Variants in MDGA2 observed in about 807,000 individuals in gnomAD.
The protein encoded by MDGA2 is MAM domain containing glycosylphosphatidylinositol anchor 2.
A neutral mutation model predicts 117.8 loss-of-function variants in MDGA2; 40 were observed. The ratio of observed to expected loss-of-function variants is 0.34; its 90% CI spans 0.26 to 0.44. The LOEUF is 0.44. Among genes scored for constraint, MDGA2 ranks in the 20% least tolerant of loss-of-function variants. The probability of loss-of-function intolerance (pLI) is 1.00; values close to 1 mark genes in which losing one functional copy is unlikely to be tolerated. For missense variants in MDGA2, 1,123 were observed against 1,250.6 expected, an observed-to-expected ratio of 0.90 and a Z score of 1.54; for synonymous variants, 452 against 439.0, an observed-to-expected ratio of 1.03 and a Z score of -0.37.
At chr14:47,367,485 T>G (rs1024330665) in intron 1 of MDGA2, among the ~76,000 whole-genome samples, 13 of 152,316 alleles carry the variant, frequency 8.5e-5, no homozygotes, top group Middle Eastern at 3.4e-3. Context: ...AAAGTAATAA[T>G]AAATTTGATG....
At chr14:46,989,792 C>T (rs1415716637) in intron 8 of MDGA2, among the ~76,000 whole-genome samples, 1 of 151,922 alleles carries the variant, frequency 6.6e-6, no homozygotes, top group Non-Finnish European at 1.5e-5. Flanking sequence ...CAGGGACCAC[C>T]AAGTGAATCA....
At chr14:47,597,248 T>A (rs1018146423) in intron 1 of MDGA2, among the ~76,000 whole-genome samples, 1 of 152,194 alleles carries the variant, frequency 6.6e-6, no homozygotes, top group African/African-American at 2.4e-5. Context: ...TATCACAGAT[T>A]TATCAAGATT....
chr14:46,908,907 A>T (rs1263398980), intron 10 of MDGA2, among the ~76,000 whole-genome samples: 1 of 152,190 alleles, frequency 6.6e-6, no homozygotes, highest in African/African-American at 2.4e-5. Context: ...AATTGTCCCA[A>T]AATAATGAAC....
intron 1 of MDGA2, among the ~76,000 whole-genome samples, chr14:47,593,670 T>C (rs1336940363): frequency 1.3e-5 from 2 of 151,990 alleles, no homozygotes; most frequent in African/African-American, 4.8e-5. Flanking sequence ...AAGTGTGAAC[T>C]GAACAATGAG....
intron 1 of MDGA2, among the ~76,000 whole-genome samples, chr14:47,394,486 G>A (rs1213606618): frequency 2.6e-5 from 4 of 152,246 alleles, no homozygotes; most frequent in South Asian, 2.1e-4. Context: ...TCATATAGGC[G>A]TGGCTATTTG....
intron 3 of MDGA2, among the ~76,000 whole-genome samples, chr14:47,168,117 C>T (rs1016505269): frequency 6.6e-6 from 1 of 151,910 alleles, no homozygotes; most frequent in Non-Finnish European, 1.5e-5. Context: ...AGGTCTACAT[C>T]TCTTTATTTG....
rs550309118 is a variant in MDGA2, at chr14:47,089,750, G to A, written c.1195+7104C>T. ...TGTCCTTTGTAGGGACATGGAGGAA[G>A]CAGGATGGTCTTAATCTCCTGATCT... On this transcript the variant is annotated intron_variant, in intron 6 of 16. Coordinates refer to ENST00000399232, the MANE Select transcript of MDGA2 (RefSeq NM_001113498.3). Among the ~76,000 whole-genome samples the A allele has an allele frequency of 5.3e-5, 8 of 152,048 alleles. No individual in the cohort carries two copies. The East Asian group carries it at 1.4e-3, about 26-fold the overall frequency.
chr14:47,246,098 T>C lies in MDGA2; in HGVS notation c.421-27903A>G, dbSNP rs146059934. 3.5e-3 allele frequency among the ~76,000 whole-genome samples: 525 copies of C among 152,030 alleles called. 7 individuals are homozygous for C. The highest frequency in any genetic ancestry group is 0.012 in the African/African-American group (495 of 41,534). On this transcript the variant is annotated intron_variant, in intron 2 of 16. Coordinates refer to ENST00000399232, the MANE Select transcript of MDGA2 (RefSeq NM_001113498.3). ...CTTCCTACACTATGCTGCCCTATGC[T>C]CTTCCCTCGGCAGCCCACTCCAAAC...
In MDGA2 at chr14:47,210,312, C is replaced by T. The variant is rs1885836024; in HGVS notation, c.595+7709G>A. On this transcript the variant is annotated intron_variant, in intron 3 of 16. Transcript: ENST00000399232. ...AATGGATATTGGAAAAGATTTGTCT[C>T]ATGTGTGAACAGTGTCTGTACACAT... is the stretch of plus-strand genomic sequence containing the variant. Among the ~76,000 whole-genome samples, 3 of 152,248 alleles carry T rather than the reference C, an allele frequency of 2.0e-5. No individual in the cohort carries two copies. In the South Asian group the frequency reaches 6.2e-4, roughly 32 times the overall value.
chr14:47,299,772 T>C (rs1183812028), intron 2 of MDGA2, among the ~76,000 whole-genome samples: 1 of 151,456 alleles, frequency 6.6e-6, no homozygotes, highest in Non-Finnish European at 1.5e-5. Flanking sequence ...TTTTGGAATC[T>C]TTTTTTTCTA....
chr14:47,343,004 G>C, intron 1 of MDGA2: 1 of 1,166,566 alleles, frequency 8.6e-7, no homozygotes, highest in Non-Finnish European at 1.1e-6. Context: ...TGCTACCTCA[G>C]GGGAGTCAGC....
At chr14:47,478,042 G>A (rs1342301268) in intron 1 of MDGA2, among the ~76,000 whole-genome samples, 2 of 152,282 alleles carry the variant, frequency 1.3e-5, no homozygotes, top group East Asian at 3.9e-4. Context: ...AGTGCTGCTG[G>A]AACATATTAT....
At chr14:47,418,823 T>C (rs1428977629) in intron 1 of MDGA2, among the ~76,000 whole-genome samples, 1 of 152,090 alleles carries the variant, frequency 6.6e-6, no homozygotes, top group Non-Finnish European at 1.5e-5. Flanking sequence ...AAGAAGAACA[T>C]TAGGTCAGAA....
rs558320310 is a variant in MDGA2, at chr14:47,199,056, T to C, written c.595+18965A>G. ...GTTTCCATCCTGCTGCTTTGTGAAG[T>C]TAGGATTCAAGACTGAAACATTAAT... On this transcript the variant is annotated intron_variant, in intron 3 of 16. Transcript: ENST00000399232. 1.1e-4 allele frequency among the ~76,000 whole-genome samples: 17 copies of C among 152,176 alleles called. No homozygotes were observed. In the South Asian group the frequency reaches 3.5e-3, roughly 32 times the overall value.
Position 47,162,300 on chromosome 14 carries a change from C to A in MDGA2, c.596-18026G>T, listed in dbSNP as rs144485207. Among the ~76,000 whole-genome samples, 25 of 152,072 alleles carry A rather than the reference C, an allele frequency of 1.6e-4. No individual in the cohort carries two copies. In the East Asian group the frequency reaches 2.5e-3, roughly 15 times the overall value. Reference sequence around the variant, plus strand: ...TATTTTTTTCCTTCAATCTTTTCTACAGTATATATCTTAGACTGTATAATA... The same window carrying A: ...TATTTTTTTCCTTCAATCTTTTCTAAAGTATATATCTTAGACTGTATAATA... On this transcript the variant is annotated intron_variant, in intron 3 of 16. Coordinates refer to ENST00000399232, the MANE Select transcript of MDGA2 (RefSeq NM_001113498.3).
intron 15 of MDGA2, among the ~76,000 whole-genome samples, chr14:46,849,997 T>C (rs571648834): frequency 1.3e-5 from 2 of 151,866 alleles, no homozygotes; most frequent in African/African-American, 4.8e-5. Flanking sequence ...TCCCGCACAA[T>C]AGCACTATTA....
intron 5 of MDGA2, among the ~76,000 whole-genome samples, chr14:47,100,737 A>G (rs1485632134): frequency 6.6e-6 from 1 of 152,206 alleles, no homozygotes; most frequent in African/African-American, 2.4e-5. Flanking sequence ...CGTAAAGTAA[A>G]AAAGAGGGAA....
At chr14:47,374,773 T>A (rs1181245107) in intron 1 of MDGA2, among the ~76,000 whole-genome samples, 1 of 152,086 alleles carries the variant, frequency 6.6e-6, no homozygotes, top group Non-Finnish European at 1.5e-5. Context: ...AAATATGTGA[T>A]CCTTTCTGTT....
chr14:46,861,339 G>A (rs780903719), intron 14 of MDGA2, among the ~76,000 whole-genome samples: 7 of 151,680 alleles, frequency 4.6e-5, no homozygotes, highest in African/African-American at 9.7e-5. Context: ...ATAGGGTATC[G>A]TGCCAGTACT....
Sources: gnomAD v4.1 joint callset for allele counts (sites outside exome capture counted in the v4.1 genomes callset) on GRCh38, gnomAD v4.1.1 for gene constraint, MANE v1.5 for transcripts, NCBI Gene and HGNC (gene_info 2026-07-23, HGNC 2026-07-21) for gene names.